The following TTC28 variants were observed in gnomAD, a reference collection of about 807,000 sequenced individuals.
The protein encoded by TTC28 is tetratricopeptide repeat domain 28, also known as tetratricopeptide repeat protein 28.
In TTC28, 61 loss-of-function variants were observed where a neutral mutation model predicts 198.0. The ratio of observed to expected loss-of-function variants is 0.31; its 90% CI spans 0.25 to 0.38. The LOEUF is 0.38. TTC28 is among the 10% of genes least tolerant of loss of function. The pLI is 1.00. For synonymous variants in TTC28, 1,171 were observed against 1,297.8 expected (o/e 0.90, Z 2.10); for missense variants, 2,678 against 3,164.0 (o/e 0.85, Z 3.69).
At chr22:28,300,325 T>C (rs1316004310) in intron 3 of TTC28, among the ~76,000 whole-genome samples, 1 of 152,192 alleles carries the variant, frequency 6.6e-6, no homozygotes, top group African/African-American at 2.4e-5. Flanking sequence ...ATGCTTTACT[T>C]GGTGATATCT....
At chr22:28,192,324 C>T (rs568374807) in intron 5 of TTC28, among the ~76,000 whole-genome samples, 1 of 152,170 alleles carries the variant, frequency 6.6e-6, no homozygotes, top group Admixed American at 6.5e-5. Context: ...GTAGATAAAA[C>T]CACAAAGATG....
intron 12 of TTC28, among the ~76,000 whole-genome samples, chr22:28,059,328 CTT>C (rs1016976183): frequency 4.0e-5 from 6 of 151,856 alleles, no homozygotes; most frequent in Admixed American, 6.6e-5. Context: ...TTAAATTTCT[CTT>C]GTTTTCTTCT....
intron 6 of TTC28, among the ~76,000 whole-genome samples, chr22:28,144,287 T>A (rs1369696795): frequency 6.6e-6 from 1 of 152,112 alleles, no homozygotes; most frequent in East Asian, 1.9e-4. Flanking sequence ...AAGGCTCAGG[T>A]TTTTCTGTCT....
chr22:28,154,279 T>C (rs770751042), intron 6 of TTC28, among the ~76,000 whole-genome samples: 3 of 151,984 alleles, frequency 2.0e-5, no homozygotes, highest in Non-Finnish European at 2.9e-5. Context: ...GAATCATTGT[T>C]ATGCAACTAC....
chr22:28,510,286 C>T (rs754351918), intron 2 of TTC28, among the ~76,000 whole-genome samples: 2 of 152,088 alleles, frequency 1.3e-5, no homozygotes, highest in South Asian at 2.1e-4. Context: ...ACTGGCAAAC[C>T]GAATCCAGCA....
At chr22:28,293,716 A>G (rs946358041) in intron 5 of TTC28, among the ~76,000 whole-genome samples, 1 of 152,212 alleles carries the variant, frequency 6.6e-6, no homozygotes, top group Non-Finnish European at 1.5e-5. Flanking sequence ...AAACTAAGAA[A>G]AATACATTAA....
intron 5 of TTC28, among the ~76,000 whole-genome samples, chr22:28,249,700 C>T (rs1930374251): frequency 6.6e-6 from 1 of 152,190 alleles, no homozygotes; most frequent in African/African-American, 2.4e-5. Flanking sequence ...GGTTGCATGC[C>T]CTCCACGTTG....
At chr22:28,267,325 G>A (rs1396287778) in intron 5 of TTC28, among the ~76,000 whole-genome samples, 1 of 152,186 alleles carries the variant, frequency 6.6e-6, no homozygotes, top group Non-Finnish European at 1.5e-5. Flanking sequence ...TCTCCAGTAG[G>A]TTTCTCAAGA....
At chr22:28,387,787 T>C (rs2046636316) in intron 2 of TTC28, among the ~76,000 whole-genome samples, 1 of 152,120 alleles carries the variant, frequency 6.6e-6, no homozygotes, top group Non-Finnish European at 1.5e-5. Flanking sequence ...TCTCCCATTT[T>C]GTAGGTTGCC....
chr22:28,513,056 T>G (rs1042716471), intron 2 of TTC28, among the ~76,000 whole-genome samples: 8 of 147,568 alleles, frequency 5.4e-5, no homozygotes, highest in Non-Finnish European at 1.2e-4. Context: ...CGTAGCTCAC[T>G]GTAAACTCAA....
chr22:28,543,514 A>G (rs1404783806), intron 2 of TTC28, among the ~76,000 whole-genome samples: 1 of 151,834 alleles, frequency 6.6e-6, no homozygotes, highest in Non-Finnish European at 1.5e-5. Flanking sequence ...AGAAGAATAA[A>G]AAGAGAGAAA....
At chr22:28,403,656 C>G (rs2046953536) in intron 2 of TTC28, among the ~76,000 whole-genome samples, 1 of 152,192 alleles carries the variant, frequency 6.6e-6, no homozygotes, top group Non-Finnish European at 1.5e-5. Context: ...ACATACCTGG[C>G]AGCCCATCAA....
intron 5 of TTC28, among the ~76,000 whole-genome samples, chr22:28,190,285 T>C (rs1311168516): frequency 1.3e-5 from 2 of 152,238 alleles, no homozygotes; most frequent in African/African-American, 4.8e-5. Flanking sequence ...ACCACAATTC[T>C]ACACGACAGA....
At chr22:28,411,016 G>GAAAAAAATGA (rs1339550511) in intron 2 of TTC28, among the ~76,000 whole-genome samples, 2 of 151,572 alleles carry the variant, frequency 1.3e-5, no homozygotes, top group Non-Finnish European at 2.9e-5. Flanking sequence ...ATTTGAAAAT[G>GAAAAAAATGA]AAAAAAAGAC....
chr22:28,126,250 G>A (rs970590485), intron 6 of TTC28, among the ~76,000 whole-genome samples: 3 of 152,154 alleles, frequency 2.0e-5, no homozygotes, highest in African/African-American at 7.2e-5. Flanking sequence ...TACTGGGCTG[G>A]ACCCTGGATA....
chr22:28,185,746 C>G (rs1451458655), intron 5 of TTC28, among the ~76,000 whole-genome samples: 2 of 151,964 alleles, frequency 1.3e-5, no homozygotes, highest in Non-Finnish European at 2.9e-5. Flanking sequence ...TATGATATAT[C>G]AGATGCTTTT....
At chr22:28,292,334 T>G (rs781466299) in intron 5 of TTC28, among the ~76,000 whole-genome samples, 1 of 152,132 alleles carries the variant, frequency 6.6e-6, no homozygotes, top group African/African-American at 2.4e-5. Flanking sequence ...ATTACAGGCA[T>G]GTGTCACCAC....
chr22:28,170,371 C>T (rs1040788153), intron 5 of TTC28, among the ~76,000 whole-genome samples: 1 of 151,752 alleles, frequency 6.6e-6, no homozygotes, highest in Non-Finnish European at 1.5e-5. Context: ...CACCTGTAGT[C>T]CCACCTACTC....
chr22:28,126,297 C>G (rs1942911734), intron 6 of TTC28, among the ~76,000 whole-genome samples: 1 of 152,190 alleles, frequency 6.6e-6, no homozygotes, highest in African/African-American at 2.4e-5. Flanking sequence ...ACAAACGTAA[C>G]TATGGCTGGG....
Sources: allele counts gnomAD v4.1 joint callset (sites outside exome capture counted in the v4.1 genomes callset), GRCh38; gene constraint gnomAD v4.1.1; transcripts MANE v1.5; gene names NCBI Gene and HGNC (gene_info 2026-07-23, HGNC 2026-07-21).